TMEM196: variants seen among roughly 807,000 people sequenced by gnomAD.
TMEM196 encodes the protein transmembrane protein 196.
A neutral mutation model predicts 20.0 loss-of-function variants in TMEM196; 17 were observed. The observed-to-expected ratio is 0.85, with a 90% CI of 0.58 to 1.27. The LOEUF is 1.27. Among genes scored for constraint, TMEM196 ranks in the 50% most tolerant of loss-of-function variants. The pLI is 0.00. For synonymous variants in TMEM196, 113 were observed against 88.9 expected (o/e 1.27, Z -1.52); for missense variants, 267 against 223.0 (o/e 1.20, Z -1.26).
In TMEM196 at chr7:19,729,416, C is replaced by A. The variant is rs748446599; in HGVS notation, c.170G>T (p.Gly57Val). ...SSPFLLCGIC[G>V]ILCAKKKSGL... ...TGATTTTTTTTTGGCACACAATATT[C>A]CACAAATGCCACAAAGAAGAAACTG... The change falls in exon 2 of 5, where the codon GGA (glycine) becomes GTA (valine). Residue 57 changes from glycine to valine, a missense_variant. Transcript: ENST00000405844. The A allele has an allele frequency of 6.4e-7, 1 of 1,550,518 alleles. No individual in the cohort carries two copies. Among genetic ancestry groups the A allele is most frequent in the Non-Finnish European group, 8.7e-7 (1 of 1,146,654 alleles).
At position 19,772,971 on chromosome 7, in the gene TMEM196, G is replaced by C. The variant is rs1348016420; in HGVS notation, c.-275C>G. The C allele has an allele frequency of 9.8e-6, 3 of 304,570 alleles. No homozygotes were observed. The highest frequency in any genetic ancestry group is 1.8e-5 in the Non-Finnish European group (3 of 166,748). The allele number at this position is 304,570 out of a possible 1,614,324, so 18.9% of individuals were successfully genotyped here. ...TCGGTGGTGCGAAGATTGCACACCGGTACCGGGGCTTTTAAGCAGCGGAAA... is the reference window on the plus strand; with the variant it reads ...TCGGTGGTGCGAAGATTGCACACCGCTACCGGGGCTTTTAAGCAGCGGAAA... On this transcript the variant is annotated 5_prime_UTR_variant, in exon 1 of 5. Coordinates refer to ENST00000405844, the MANE Select transcript of TMEM196 (RefSeq NM_001363562.2).
intron 1 of TMEM196, among the ~76,000 whole-genome samples, chr7:19,735,549 T>G (rs564874187): frequency 1.3e-5 from 2 of 152,314 alleles, no homozygotes; most frequent in African/African-American, 2.4e-5. Context: ...CAAGAAAGTT[T>G]ATTTTGGGAA....
chr7:19,724,425 A>G, intron 3 of TMEM196, 72 bp from the exon 4 acceptor site: 2 of 1,383,842 alleles, frequency 1.4e-6, no homozygotes, highest in South Asian at 2.5e-5. Context: ...AGACTAGTAT[A>G]AAATAAAGCA....
rs1422769503 is a variant in TMEM196 at position 19,729,413 on chromosome 7, A to G, written c.173T>C (p.Ile58Thr). 12 of 1,550,874 alleles carry G rather than the reference A, an allele frequency of 7.7e-6. No homozygotes were observed. The highest frequency in any genetic ancestry group is 5.5e-5 in the African/African-American group (4 of 73,006). ...SPFLLCGICG[I>T]LCAKKKSGLV... is the part of the protein sequence containing the mutation. ...TCCTGATTTTTTTTTGGCACACAATATTCCACAAATGCCACAAAGAAGAAA... is the reference window on the plus strand; with the variant it reads ...TCCTGATTTTTTTTTGGCACACAATGTTCCACAAATGCCACAAAGAAGAAA... The change falls in exon 2 of 5, where the codon ATA (isoleucine) becomes ACA (threonine). Residue 58 changes from isoleucine (I) to threonine (T), a missense_variant. Ile to Thr is a moderately conservative substitution (Grantham distance 89). Coordinates refer to ENST00000405844, the MANE Select transcript of TMEM196 (RefSeq NM_001363562.2).
Position 19,737,475 on chromosome 7 carries a change from C to G in TMEM196, c.148-8037G>C, listed in dbSNP as rs913067926. On this transcript the variant is annotated intron_variant, in intron 1 of 4. Transcript: ENST00000405844. ...ATTGTGCTTTTAGGTATTTACCTAA[C>G]TAATTTGAAATGATTTGTAAACCTA... is the stretch of plus-strand genomic sequence containing the variant. Among the ~76,000 whole-genome samples, 5 of 151,874 alleles carry G rather than the reference C, an allele frequency of 3.3e-5. No individual in the cohort carries two copies. In the East Asian group the frequency reaches 9.6e-4, roughly 29 times the overall value.
intron 1 of TMEM196, among the ~76,000 whole-genome samples, chr7:19,764,164 C>T (rs1785537404): frequency 6.6e-6 from 1 of 152,200 alleles, no homozygotes; most frequent in Non-Finnish European, 1.5e-5. Context: ...TAATTTTCCT[C>T]AATTTCAAGA....
In TMEM196 at chr7:19,720,713, T is replaced by G. The variant is rs1370297983; in HGVS notation, c.*1415A>C. The G allele has an allele frequency of 2.0e-5, 3 of 151,972 alleles. No homozygotes were observed. The highest frequency in any genetic ancestry group is 2.9e-5 in the Non-Finnish European group (2 of 67,836). The allele number at this position is 151,972 out of a possible 1,614,324, so 9.4% of individuals were successfully genotyped here. On this transcript the variant is annotated 3_prime_UTR_variant, in exon 5 of 5. Coordinates refer to ENST00000405844, the MANE Select transcript of TMEM196 (RefSeq NM_001363562.2). ...AGGATTGAATCTAGCTATACAAATG[T>G]TAGCCTATCTTTTCACTTTTTCCTC...
chr7:19,760,751 A>T (rs1039297961), intron 1 of TMEM196, among the ~76,000 whole-genome samples: 1 of 152,198 alleles, frequency 6.6e-6, no homozygotes, highest in African/African-American at 2.4e-5. Context: ...AAGCAGCAGA[A>T]GATCAGGGAT....
chr7:19,745,297 T>A (rs1168373701), intron 1 of TMEM196, among the ~76,000 whole-genome samples: 1 of 152,184 alleles, frequency 6.6e-6, no homozygotes, highest in Non-Finnish European at 1.5e-5. Flanking sequence ...ATGCAGAACC[T>A]GCGCATAGGG....
At chr7:19,740,222 T>C (rs891632339) in intron 1 of TMEM196, among the ~76,000 whole-genome samples, 4 of 152,098 alleles carry the variant, frequency 2.6e-5, no homozygotes, top group South Asian at 4.1e-4. Context: ...CCAACACATA[T>C]AGTTAAGGGA....
intron 1 of TMEM196, among the ~76,000 whole-genome samples, chr7:19,730,134 T>C (rs1222136664): frequency 6.6e-6 from 1 of 152,086 alleles, no homozygotes; most frequent in Admixed American, 6.6e-5. Context: ...CAGGCGCCTA[T>C]GATCCCAGCT....
rs369049605 is a variant in TMEM196 at position 19,747,833 on chromosome 7, T to G, written c.148-18395A>C. 2.6e-5 allele frequency among the ~76,000 whole-genome samples: 4 copies of G among 152,314 alleles called. No individual in the cohort carries two copies. The East Asian group carries it at 5.8e-4, about 22-fold the overall frequency. ...ATGAAGATCAGATCTTGGGTGATTG[T>G]GATGCGATGGGATAGGATGGAATAC... On this transcript the variant is annotated intron_variant, in intron 1 of 4. Transcript: ENST00000405844.
intron 1 of TMEM196, among the ~76,000 whole-genome samples, chr7:19,743,341 C>A (rs1281584398): frequency 6.6e-6 from 1 of 152,110 alleles, no homozygotes; most frequent in East Asian, 1.9e-4. Flanking sequence ...CTGTCTTTCT[C>A]TGTTTGTTTC....
intron 1 of TMEM196, among the ~76,000 whole-genome samples, chr7:19,763,038 G>T (rs1785494258): frequency 3.3e-5 from 5 of 152,120 alleles, no homozygotes; most frequent in Admixed American, 3.3e-4. Context: ...TTTTTCCTAG[G>T]AATTGCTTAT....
intron 1 of TMEM196, among the ~76,000 whole-genome samples, chr7:19,735,195 A>T (rs1011467977): frequency 6.6e-5 from 10 of 152,190 alleles, no homozygotes; most frequent in Non-Finnish European, 1.0e-4. Context: ...TAAAAGACAA[A>T]TTTTTTAAAA....
At chr7:19,758,646 T>C (rs932675765) in intron 1 of TMEM196, among the ~76,000 whole-genome samples, 4 of 152,216 alleles carry the variant, frequency 2.6e-5, no homozygotes, top group African/African-American at 9.6e-5. Flanking sequence ...CTCTGGTTCA[T>C]TGCATGACTC....
At chr7:19,755,243 T>C (rs976325831) in intron 1 of TMEM196, among the ~76,000 whole-genome samples, 9 of 152,248 alleles carry the variant, frequency 5.9e-5, no homozygotes, top group Admixed American at 2.6e-4. Flanking sequence ...CTGATCATAC[T>C]TTTTGGTAAT....
chr7:19,724,206 T>A, intron 4 of TMEM196, 74 bp downstream of exon 4: 1 of 1,313,418 alleles, frequency 7.6e-7, no homozygotes, highest in Non-Finnish European at 1.1e-6. Context: ...TCTGTTGACA[T>A]CATGGCTTTC....
intron 1 of TMEM196, among the ~76,000 whole-genome samples, chr7:19,751,006 A>G (rs1784939402): frequency 6.6e-6 from 1 of 152,210 alleles, no homozygotes; most frequent in South Asian, 2.1e-4. Flanking sequence ...ATTGTTGAGG[A>G]AAGACTCTCT....
Sources: gnomAD v4.1 joint callset for allele counts (sites outside exome capture counted in the v4.1 genomes callset) on GRCh38, gnomAD v4.1.1 for gene constraint, MANE v1.5 for transcripts, NCBI Gene and HGNC (gene_info 2026-07-23, HGNC 2026-07-21) for gene names.